Variants in SHISA6 observed in about 807,000 individuals in gnomAD.
SHISA6 encodes shisa family member 6, also known as protein shisa-6.
A neutral mutation model predicts 47.9 loss-of-function variants in SHISA6; 22 were observed. The ratio of observed to expected loss-of-function variants is 0.46; its 90% CI spans 0.33 to 0.66. SHISA6 has a LOEUF of 0.66. Among genes scored for constraint, SHISA6 ranks in the 30% least tolerant of loss-of-function variants. SHISA6 has a pLI of 0.02. For missense variants in SHISA6, 680 were observed against 764.6 expected (o/e 0.89, Z 1.30); for synonymous variants, 388 against 337.8 (o/e 1.15, Z -1.63).
intron 3 of SHISA6, among the ~76,000 whole-genome samples, chr17:11,422,403 C>G (rs1268661451): frequency 6.6e-6 from 1 of 152,176 alleles, no homozygotes; most frequent in African/African-American, 2.4e-5. Flanking sequence ...AGTGGAATAC[C>G]AGGAAGGAGG....
In SHISA6 at chr17:11,472,947, A is replaced by G. The variant is rs536892667; in HGVS notation, c.896-78949A>G. Among the ~76,000 whole-genome samples, 11 of 152,338 alleles carry G rather than the reference A, an allele frequency of 7.2e-5. No homozygotes were observed. The East Asian group carries it at 1.9e-3, about 27-fold the overall frequency. ...CTTTTTATGTGGTTATTTGCCAGCTATATATCTCCTTTGGTGATGTGTCTG... is the reference window on the plus strand; with the variant it reads ...CTTTTTATGTGGTTATTTGCCAGCTGTATATCTCCTTTGGTGATGTGTCTG... On this transcript the variant is annotated intron_variant, in intron 3 of 5. Transcript: ENST00000441885.
At chr17:11,490,104 A>T (rs1916437262) in intron 3 of SHISA6, among the ~76,000 whole-genome samples, 1 of 152,096 alleles carries the variant, frequency 6.6e-6, no homozygotes, top group Admixed American at 6.6e-5. Flanking sequence ...GAGTCAGGGG[A>T]GAAGGACATC....
chr17:11,252,774 C>T (rs957838619), intron 1 of SHISA6, among the ~76,000 whole-genome samples: 4 of 152,142 alleles, frequency 2.6e-5, no homozygotes, highest in Non-Finnish European at 4.4e-5. Context: ...CTCCCTGCAG[C>T]GACAGGGCAT....
At chr17:11,499,675 T>TTTTC (rs1166552535) in intron 3 of SHISA6, among the ~76,000 whole-genome samples, 1 of 142,324 alleles carries the variant, frequency 7.0e-6, no homozygotes, top group African/African-American at 2.7e-5. Flanking sequence ...AATCTATTCT[T>TTTTC]TTTCTTTCTT....
chr17:11,242,208 C>A, intron 1 of SHISA6, 148 bp downstream of exon 1: 1 of 1,136,106 alleles, frequency 8.8e-7, no homozygotes, highest in Non-Finnish European at 1.2e-6. Flanking sequence ...TGCAATAAAT[C>A]AGGGTCTTCT....
At chr17:11,297,023 C>T (rs1203569553) in intron 2 of SHISA6, among the ~76,000 whole-genome samples, 1 of 152,046 alleles carries the variant, frequency 6.6e-6, no homozygotes, top group African/African-American at 2.4e-5. Flanking sequence ...CTCGAGAGGC[C>T]AATTTGGATG....
intron 2 of SHISA6, among the ~76,000 whole-genome samples, chr17:11,344,010 A>G (rs1911618329): frequency 6.6e-6 from 1 of 152,050 alleles, no homozygotes; most frequent in Non-Finnish European, 1.5e-5. Context: ...TTTTTTTATT[A>G]TAGTCATCCT....
intron 2 of SHISA6, among the ~76,000 whole-genome samples, chr17:11,264,070 A>G (rs1298587927): frequency 2.0e-5 from 3 of 152,218 alleles, no homozygotes; most frequent in African/African-American, 7.2e-5. Flanking sequence ...TGTACTTATC[A>G]TAGCTATAAC....
chr17:11,516,555 A>G (rs1017191888), intron 3 of SHISA6, among the ~76,000 whole-genome samples: 3 of 152,200 alleles, frequency 2.0e-5, no homozygotes, highest in Non-Finnish European at 2.9e-5. Flanking sequence ...GAGGACCCCA[A>G]TATATAGCAT....
intron 3 of SHISA6, among the ~76,000 whole-genome samples, chr17:11,412,771 GCTTGTATTCCGTGCA>G (rs1914165920): frequency 6.6e-6 from 1 of 152,138 alleles, no homozygotes; most frequent in South Asian, 2.1e-4. Context: ...TTGGTTAGAG[GCTTGTATTCCGTGCA>G]TTCCACCATC....
Position 11,263,524 on chromosome 17 carries a change from C to A in SHISA6, c.797C>A (p.Pro266Gln). The A allele has an allele frequency of 3.2e-6, 5 of 1,551,622 alleles. No homozygotes were observed. The highest frequency in any genetic ancestry group is 3.5e-6 in the Non-Finnish European group (4 of 1,146,962). Residue 266 changes from proline (P) to glutamine (Q), a missense_variant and splice_region_variant, in exon 2 of 6, where the codon CCA becomes CAA. Coordinates refer to ENST00000441885, the MANE Select transcript of SHISA6 (RefSeq NM_207386.4). ...YTPVRTAKQTPGHYGKDAYRS... is the reference protein window; with the variant it reads ...YTPVRTAKQTQGHYGKDAYRS... Reference sequence around the variant, plus strand: ...CCTGTGCGTACGGCCAAGCAGACTCCAGGTAAGTAACAGCTGGGCACCTTG... The same window carrying A: ...CCTGTGCGTACGGCCAAGCAGACTCAAGGTAAGTAACAGCTGGGCACCTTG...
chr17:11,498,781 G>A lies in SHISA6; in HGVS notation c.896-53115G>A, dbSNP rs76479724. On this transcript the variant is annotated intron_variant, in intron 3 of 5. Coordinates refer to ENST00000441885, the MANE Select transcript of SHISA6 (RefSeq NM_207386.4). Reference sequence around the variant, plus strand: ...TGGGCTGGACTAGCAGCTCAAACGTGTAATAAAGGCTGTGGACTTGTAGGA... The same window carrying A: ...TGGGCTGGACTAGCAGCTCAAACGTATAATAAAGGCTGTGGACTTGTAGGA... Among the ~76,000 whole-genome samples, 699 of 152,326 alleles carry A rather than the reference G, an allele frequency of 4.6e-3. 7 individuals are homozygous for A. The highest frequency in any genetic ancestry group is 0.016 in the African/African-American group (663 of 41,564).
chr17:11,403,060 T>C (rs1239648387), intron 3 of SHISA6, among the ~76,000 whole-genome samples: 1 of 152,240 alleles, frequency 6.6e-6, no homozygotes, highest in Non-Finnish European at 1.5e-5. Flanking sequence ...CCCATGTGGC[T>C]TGGGATCCCA....
At chr17:11,491,968 T>A (rs1173934477) in intron 3 of SHISA6, among the ~76,000 whole-genome samples, 1 of 151,982 alleles carries the variant, frequency 6.6e-6, no homozygotes, top group African/African-American at 2.4e-5. Context: ...ACAGGGTTTC[T>A]CCATGTTGGT....
intron 3 of SHISA6, chr17:11,379,785 C>A: frequency 3.0e-6 from 1 of 338,020 alleles, no homozygotes; most frequent in Non-Finnish European, 5.4e-6. Flanking sequence ...GAAGGGACCA[C>A]AGGGAGTGTG....
At chr17:11,291,723 AG>A (rs1010054154) in intron 2 of SHISA6, among the ~76,000 whole-genome samples, 1 of 152,040 alleles carries the variant, frequency 6.6e-6, no homozygotes, top group African/African-American at 2.4e-5. Flanking sequence ...AGATGTGGGC[AG>A]GGTGGGTTTC....
chr17:11,275,864 C>A (rs1044869069), intron 2 of SHISA6, among the ~76,000 whole-genome samples: 6 of 151,582 alleles, frequency 4.0e-5, no homozygotes, highest in African/African-American at 1.5e-4. Context: ...TCTTGAGTTT[C>A]ATTCTGGATG....
At chr17:11,307,110 A>T (rs182113454) in intron 2 of SHISA6, among the ~76,000 whole-genome samples, 7 of 148,398 alleles carry the variant, frequency 4.7e-5, no homozygotes, top group African/African-American at 1.7e-4. Flanking sequence ...ACAGTGCCAT[A>T]TATTTATTTA....
Position 11,563,639 on chromosome 17 carries a change from C to T in SHISA6, c.*5335C>T, listed in dbSNP as rs1330812098. On this transcript the variant is annotated 3_prime_UTR_variant, in exon 6 of 6. Coordinates refer to ENST00000441885, the MANE Select transcript of SHISA6 (RefSeq NM_207386.4). Reference sequence around the variant, plus strand: ...CATTGGCTTTGTAGTGGCAAATATTCCTCTAGTTCTATAACTCAACTAGAC... The same window carrying T: ...CATTGGCTTTGTAGTGGCAAATATTTCTCTAGTTCTATAACTCAACTAGAC... 1.3e-5 allele frequency: 2 copies of T among 152,130 alleles called. No homozygotes were observed. Among genetic ancestry groups the T allele is most frequent in the African/African-American group, 2.4e-5 (1 of 41,410 alleles). The allele number at this position is 152,130 out of a possible 1,614,324, so 9.4% of individuals were successfully genotyped here. A position where few individuals can be genotyped will look rare whatever the true frequency, so the allele number is the denominator to read the frequency against.
Sources: allele counts gnomAD v4.1 joint callset (sites outside exome capture counted in the v4.1 genomes callset), GRCh38; gene constraint gnomAD v4.1.1; transcripts MANE v1.5; gene names NCBI Gene and HGNC (gene_info 2026-07-23, HGNC 2026-07-21).